Variants in PXDNL observed in about 807,000 individuals in gnomAD.
PXDNL encodes probable oxidoreductase PXDNL.
In PXDNL, 145 loss-of-function variants were observed where a neutral mutation model predicts 150.8. The observed-to-expected ratio is 0.96, with a 90% CI of 0.84 to 1.10. PXDNL has a LOEUF of 1.10. Among genes scored for constraint, PXDNL ranks in the 50% least tolerant of loss-of-function variants. The probability of loss-of-function intolerance (pLI) is 0.00; values close to 1 mark genes in which losing one functional copy is unlikely to be tolerated. For synonymous variants in PXDNL, 757 were observed against 725.7 expected (o/e 1.04, Z -0.69); for missense variants, 2,087 against 1,873.9 (o/e 1.11, Z -2.10).
chr8:51,533,525 G>GA (rs1811958747), intron 4 of PXDNL, among the ~76,000 whole-genome samples: 1 of 75,402 alleles, frequency 1.3e-5, no homozygotes, highest in African/African-American at 5.3e-5. Context: ...CTCCCTCCAC[G>GA]GTCTCCCTCT....
At chr8:51,804,755 A>C (rs1428073767) in intron 1 of PXDNL, among the ~76,000 whole-genome samples, 1 of 151,508 alleles carries the variant, frequency 6.6e-6, no homozygotes, top group Non-Finnish European at 1.5e-5. Context: ...CTAATACTTT[A>C]ATCAGCATAT....
chr8:51,716,405 A>T (rs945099395), intron 1 of PXDNL, among the ~76,000 whole-genome samples: 3 of 151,610 alleles, frequency 2.0e-5, no homozygotes, highest in Non-Finnish European at 2.9e-5. Context: ...CCTCTTGCTG[A>T]TTCCATGGAA....
intron 20 of PXDNL, 112 bp from the exon 21 acceptor site, chr8:51,339,865 G>A: frequency 2.0e-6 from 2 of 990,604 alleles, no homozygotes; most frequent in Non-Finnish European, 2.9e-6. Context: ...ATTGTGATTG[G>A]TGTTCTTTGT....
chr8:51,396,234 C>A (rs1299373471), intron 17 of PXDNL, among the ~76,000 whole-genome samples: 1 of 152,186 alleles, frequency 6.6e-6, no homozygotes, highest in East Asian at 1.9e-4. Flanking sequence ...GATGGCTAAA[C>A]TGAGTTTTTT....
chr8:51,514,034 G>A (rs894668334), intron 4 of PXDNL, among the ~76,000 whole-genome samples: 1 of 152,192 alleles, frequency 6.6e-6, no homozygotes, highest in South Asian at 2.1e-4. Flanking sequence ...ATACAAATTA[G>A]AGGAGGACAT....
At chr8:51,786,367 C>T (rs1019645213) in intron 1 of PXDNL, among the ~76,000 whole-genome samples, 2 of 152,244 alleles carry the variant, frequency 1.3e-5, no homozygotes, top group East Asian at 1.9e-4. Flanking sequence ...CGCCACCACC[C>T]CCAGGTAATT....
chr8:51,553,729 T>TGTGA (rs1402192836), intron 4 of PXDNL, among the ~76,000 whole-genome samples: 1 of 147,780 alleles, frequency 6.8e-6, no homozygotes, highest in Non-Finnish European at 1.5e-5. Context: ...ATTGCCTTAT[T>TGTGA]GTGAGGGATT....
intron 1 of PXDNL, among the ~76,000 whole-genome samples, chr8:51,792,768 G>A (rs998105788): frequency 1.3e-5 from 2 of 152,182 alleles, no homozygotes; most frequent in East Asian, 1.9e-4. Context: ...CTCCTCACTG[G>A]GCGGGGCCTC....
At chr8:51,652,273 A>G (rs1259709152) in intron 2 of PXDNL, among the ~76,000 whole-genome samples, 1 of 152,160 alleles carries the variant, frequency 6.6e-6, no homozygotes, top group Non-Finnish European at 1.5e-5. Flanking sequence ...CTTTTACAAT[A>G]AATTAGTAAA....
intron 1 of PXDNL, among the ~76,000 whole-genome samples, chr8:51,750,316 G>T (rs952427063): frequency 6.6e-6 from 1 of 152,022 alleles, no homozygotes; most frequent in African/African-American, 2.4e-5. Flanking sequence ...CCACTGGAAG[G>T]TCCTCAGGGG....
At chr8:51,538,594 C>G (rs1452670528) in intron 4 of PXDNL, among the ~76,000 whole-genome samples, 2 of 151,952 alleles carry the variant, frequency 1.3e-5, no homozygotes, top group African/African-American at 4.8e-5. Flanking sequence ...GATGAAACCT[C>G]GTCTCTACTA....
chr8:51,433,590 T>A (rs999158869), intron 12 of PXDNL, among the ~76,000 whole-genome samples: 1 of 152,186 alleles, frequency 6.6e-6, no homozygotes, highest in Non-Finnish European at 1.5e-5. Flanking sequence ...TTTACAGAAT[T>A]CATCTGTAAA....
chr8:51,404,950 G>C (rs1355704654), intron 17 of PXDNL, among the ~76,000 whole-genome samples: 2 of 152,188 alleles, frequency 1.3e-5, no homozygotes, highest in African/African-American at 4.8e-5. Context: ...ATGGTGGGCT[G>C]CAGGTCCGAG....
intron 2 of PXDNL, among the ~76,000 whole-genome samples, chr8:51,637,742 G>C (rs139089803): frequency 0.021 from 3,152 of 152,300 alleles, 111 homozygotes; most frequent in African/African-American, 0.073. Flanking sequence ...ACCTGAAAGT[G>C]ACAGGGAGAA....
intron 2 of PXDNL, among the ~76,000 whole-genome samples, chr8:51,602,762 T>C (rs1330605930): frequency 6.6e-6 from 1 of 151,672 alleles, no homozygotes; most frequent in East Asian, 1.9e-4. Flanking sequence ...AAATTAAACG[T>C]TTGTTTATGT....
intron 17 of PXDNL, among the ~76,000 whole-genome samples, chr8:51,404,424 A>C (rs1374017863): frequency 6.7e-6 from 1 of 149,378 alleles, no homozygotes; most frequent in Non-Finnish European, 1.5e-5. Context: ...ATAATCCCCT[A>C]GCTAGACATA....
At chr8:51,422,178 A>C (rs936521967) in intron 14 of PXDNL, among the ~76,000 whole-genome samples, 4 of 152,012 alleles carry the variant, frequency 2.6e-5, no homozygotes, top group Admixed American at 1.3e-4. Flanking sequence ...TTGCAGAAAA[A>C]CAAGGTCAGG....
intron 4 of PXDNL, among the ~76,000 whole-genome samples, chr8:51,531,537 TCC>T: frequency 6.6e-6 from 1 of 152,032 alleles, no homozygotes; most frequent in South Asian, 2.1e-4. Flanking sequence ...CTCAGGCCGG[TCC>T]CCAGGGAGAA....
chr8:51,727,685 T>A (rs6984728), intron 1 of PXDNL, among the ~76,000 whole-genome samples: 134,904 of 152,180 alleles, frequency 0.89, 60,726 homozygotes, highest in East Asian at 0.96. Flanking sequence ...CTAGACTCAG[T>A]CAACCACAAA....
Sources: allele counts gnomAD v4.1 joint callset (sites outside exome capture counted in the v4.1 genomes callset), GRCh38; gene constraint gnomAD v4.1.1; transcripts MANE v1.5; gene names NCBI Gene and HGNC (gene_info 2026-07-23, HGNC 2026-07-21).